NWD2: variants seen among roughly 807,000 people sequenced by gnomAD.
The protein encoded by NWD2 is NACHT and WD repeat domain containing 2.
NWD2 carries 37 observed loss-of-function variants against 132.7 expected under a neutral mutation model. The observed-to-expected ratio is 0.28, with a 90% CI of 0.21 to 0.37. The LOEUF (loss-of-function observed/expected upper bound fraction) is 0.37. NWD2 is among the 10% of genes least tolerant of loss of function. The pLI, the probability that NWD2 is intolerant of heterozygous loss-of-function variation, is 1.00. For synonymous variants in NWD2, 705 were observed against 803.0 expected, an observed-to-expected ratio of 0.88 and a Z score of 2.06; for missense variants, 1,592 against 2,122.4, an observed-to-expected ratio of 0.75 and a Z score of 4.91.
chr4:37,314,756 T>C (rs1358127006), intron 1 of NWD2, among the ~76,000 whole-genome samples: 1 of 152,160 alleles, frequency 6.6e-6, no homozygotes, highest in Non-Finnish European at 1.5e-5. Flanking sequence ...CAGTTTTCTT[T>C]TATTGTTTCA....
At chr4:37,441,172 A>G (rs1354129569) in intron 6 of NWD2, among the ~76,000 whole-genome samples, 2 of 152,218 alleles carry the variant, frequency 1.3e-5, no homozygotes, top group Admixed American at 1.3e-4. Flanking sequence ...GTTAGAAGAT[A>G]TAGCTTTTTC....
At chr4:37,375,194 A>C (rs1577683308) in intron 3 of NWD2, among the ~76,000 whole-genome samples, 4 of 152,184 alleles carry the variant, frequency 2.6e-5, no homozygotes, top group African/African-American at 9.6e-5. Flanking sequence ...CATAACCCTG[A>C]CTCCCAAACC....
At chr4:37,358,058 ATATTTT>A (rs1022818977) in intron 3 of NWD2, among the ~76,000 whole-genome samples, 11 of 152,184 alleles carry the variant, frequency 7.2e-5, no homozygotes, top group African/African-American at 2.2e-4. Flanking sequence ...GATTAAGAGA[ATATTTT>A]TATTTTTAAG....
intron 1 of NWD2, among the ~76,000 whole-genome samples, chr4:37,246,828 A>G (rs1391327761): frequency 6.6e-6 from 1 of 152,000 alleles, no homozygotes; most frequent in African/African-American, 2.4e-5. Flanking sequence ...CTTCTAAAAT[A>G]CAATAAGAAT....
chr4:37,427,562 G>A (rs1251340931), intron 3 of NWD2, among the ~76,000 whole-genome samples: 3 of 152,170 alleles, frequency 2.0e-5, no homozygotes, highest in African/African-American at 7.2e-5. Flanking sequence ...AATACAGTGG[G>A]TTGGGATTAG....
chr4:37,421,721 A>G (rs16993534), intron 3 of NWD2, among the ~76,000 whole-genome samples: 3,803 of 152,320 alleles, frequency 0.025, 117 homozygotes, highest in African/African-American at 0.064. Flanking sequence ...TCATTTTACG[A>G]TCACTGCCAA....
chr4:37,300,725 G>A (rs1234335320), intron 1 of NWD2, among the ~76,000 whole-genome samples: 1 of 151,862 alleles, frequency 6.6e-6, no homozygotes, highest in Non-Finnish European at 1.5e-5. Flanking sequence ...GACTACCCTA[G>A]AAATTTTAAT....
intron 2 of NWD2, among the ~76,000 whole-genome samples, chr4:37,349,609 CA>C (rs1165567841): frequency 2.0e-5 from 3 of 152,132 alleles, no homozygotes; most frequent in African/African-American, 7.2e-5. Flanking sequence ...GGATAGATTG[CA>C]AAAACTTTCT....
chr4:37,394,800 T>TTTTTTG (rs1720748528), intron 3 of NWD2, among the ~76,000 whole-genome samples: 3 of 36,898 alleles, frequency 8.1e-5, no homozygotes, highest in East Asian at 7.3e-4. Flanking sequence ...ACCTTTATGG[T>TTTTTTG]TTTTTTTTTT....
In NWD2 at chr4:37,245,128, G is replaced by T; in HGVS notation, c.61G>T (p.Ala21Ser). 1 of 1,548,004 alleles carries T rather than the reference G, an allele frequency of 6.5e-7. No individual in the cohort carries two copies. ...TCCCCGAGACTCTGCGCTCCGGCGG[G>T]CGGCTTTCTCTGGGAACCTCACGGC... ...PCPRDSALRRAAFSGNLTALP... is the reference protein window; with the variant it reads ...PCPRDSALRRSAFSGNLTALP... Residue 21 changes from alanine (A) to serine (S), a missense_variant, in exon 1 of 7, where the codon GCG (alanine) becomes TCG (serine). Ala to Ser is a moderately conservative substitution (Grantham distance 99). Transcript: ENST00000309447.
At chr4:37,424,035 G>C (rs548701897) in intron 3 of NWD2, among the ~76,000 whole-genome samples, 1 of 152,142 alleles carries the variant, frequency 6.6e-6, no homozygotes, top group Non-Finnish European at 1.5e-5. Context: ...CTCCACAGTA[G>C]AGTTCTTAAT....
intron 3 of NWD2, among the ~76,000 whole-genome samples, chr4:37,375,057 G>A (rs1281639310): frequency 6.6e-6 from 1 of 152,178 alleles, no homozygotes; most frequent in Non-Finnish European, 1.5e-5. Context: ...TCCAAAACAT[G>A]GGCAAGGTGG....
At chr4:37,336,439 C>G (rs1288094525) in intron 2 of NWD2, among the ~76,000 whole-genome samples, 1 of 152,124 alleles carries the variant, frequency 6.6e-6, no homozygotes, top group Non-Finnish European at 1.5e-5. Context: ...TGGCCAGTAG[C>G]TCCCAGGCTG....
At chr4:37,348,675 T>TATACACAC (rs1308407988) in intron 2 of NWD2, among the ~76,000 whole-genome samples, 42 of 22,570 alleles carry the variant, frequency 1.9e-3, no homozygotes, top group South Asian at 4.3e-3. Context: ...TATATATATA[T>TATACACAC]ACACACACAC....
At chr4:37,314,334 A>G (rs1718915095) in intron 1 of NWD2, among the ~76,000 whole-genome samples, 3 of 152,042 alleles carry the variant, frequency 2.0e-5, no homozygotes, top group African/African-American at 7.2e-5. Flanking sequence ...AGTATTCCCT[A>G]TTTTCTGAAA....
chr4:37,425,576 C>A (rs191374948), intron 3 of NWD2, among the ~76,000 whole-genome samples: 104 of 152,244 alleles, frequency 6.8e-4, no homozygotes, highest in Non-Finnish European at 1.2e-3. Flanking sequence ...AAAGAAAATT[C>A]TTTCAGTCAT....
chr4:37,255,823 T>G (rs1040918731), intron 1 of NWD2, among the ~76,000 whole-genome samples: 31 of 152,210 alleles, frequency 2.0e-4, no homozygotes, highest in African/African-American at 7.5e-4. Flanking sequence ...GAAATAATAC[T>G]AAACATTTCC....
intron 2 of NWD2, among the ~76,000 whole-genome samples, chr4:37,351,847 AG>A (rs1719773073): frequency 6.6e-6 from 1 of 152,088 alleles, no homozygotes; most frequent in Admixed American, 6.6e-5. Context: ...ACACTGCTTT[AG>A]CTATGTCCCA....
chr4:37,270,022 T>G (rs968794760), intron 1 of NWD2, among the ~76,000 whole-genome samples: 1 of 151,822 alleles, frequency 6.6e-6, no homozygotes, highest in African/African-American at 2.4e-5. Context: ...CTAGTGAGTA[T>G]GAAGTGATGT....
Sources: gnomAD v4.1 joint callset for allele counts (sites outside exome capture counted in the v4.1 genomes callset) on GRCh38, gnomAD v4.1.1 for gene constraint, MANE v1.5 for transcripts, NCBI Gene and HGNC (gene_info 2026-07-23, HGNC 2026-07-21) for gene names.